NHSL1: variants seen among roughly 807,000 people sequenced by gnomAD.
NHSL1 encodes NHS-like protein 1.
In NHSL1, 48 loss-of-function variants were observed where a neutral mutation model predicts 95.0. The ratio of observed to expected loss-of-function variants is 0.51; its 90% confidence interval spans 0.40 to 0.64. The LOEUF (loss-of-function observed/expected upper bound fraction) is 0.64, where lower values mean the gene tolerates loss of function less well. NHSL1 is among the 30% of genes least tolerant of loss of function. The probability of loss-of-function intolerance (pLI) is 0.00; values close to 1 mark genes in which losing one functional copy is unlikely to be tolerated. For synonymous variants in NHSL1, 783 were observed against 833.9 expected (o/e 0.94, Z 1.05); for missense variants, 1,971 against 2,077.7 (o/e 0.95, Z 1.00).
chr6:138,459,743 A>G (rs1777869063), intron 3 of NHSL1, among the ~76,000 whole-genome samples: 1 of 152,192 alleles, frequency 6.6e-6, no homozygotes, highest in Non-Finnish European at 1.5e-5. Context: ...AAGTTCTGCT[A>G]TATTTTTTTA....
intron 1 of NHSL1, among the ~76,000 whole-genome samples, chr6:138,643,275 G>C (rs931618413): frequency 6.6e-6 from 1 of 152,002 alleles, no homozygotes; most frequent in African/African-American, 2.4e-5. Context: ...TAAAATTGAG[G>C]GAGATACAGA....
intron 1 of NHSL1, among the ~76,000 whole-genome samples, chr6:138,552,826 G>A (rs773061540): frequency 3.9e-5 from 6 of 152,190 alleles, no homozygotes; most frequent in Non-Finnish European, 7.3e-5. Context: ...CAGAAGCACA[G>A]TGACACCTCA....
At chr6:138,589,474 G>A (rs559655752) in intron 1 of NHSL1, among the ~76,000 whole-genome samples, 2 of 152,258 alleles carry the variant, frequency 1.3e-5, no homozygotes, top group South Asian at 4.1e-4. Flanking sequence ...CACAGGTGAG[G>A]AGTCACCTTC....
At chr6:138,617,466 A>G (rs954070762) in intron 1 of NHSL1, among the ~76,000 whole-genome samples, 1 of 152,144 alleles carries the variant, frequency 6.6e-6, no homozygotes. Context: ...TTTCACCCCC[A>G]CTAATTCAAA....
At position 138,446,255 on chromosome 6, in the gene NHSL1, T is replaced by C. The variant is rs530515174; in HGVS notation, c.532+746A>G. Among the ~76,000 whole-genome samples, 3 of 152,234 alleles carry C rather than the reference T, an allele frequency of 2.0e-5. No homozygotes were observed. In the East Asian group the frequency reaches 5.8e-4, roughly 29 times the overall value. ...TTTCACCACGTTGGCCAGGCTGGTC[T>C]CAAACTCCTGACCTCAGGTGATCTG... On this transcript the variant is annotated intron_variant, in intron 4 of 7. Coordinates refer to ENST00000343505, the MANE Select transcript of NHSL1 (RefSeq NM_001144060.2).
Position 138,646,268 on chromosome 6 carries a change from A to G in NHSL1, c.96+46208T>C, listed in dbSNP as rs144596439. Among the ~76,000 whole-genome samples the G allele has an allele frequency of 9.2e-5, 14 of 152,346 alleles. 1 individual carries two copies. Among genetic ancestry groups the G allele is most frequent in the African/African-American group, 3.4e-4 (14 of 41,590 alleles). ...ATACGGAATTACAAGAAAATTAAAT[A>G]CACCAATATTTTTAACCCCTAACTC... On this transcript the variant is annotated intron_variant, in intron 1 of 3. Coordinates refer to the NHSL1 transcript ENST00000491526.
rs1426004195 is a variant in NHSL1, at chr6:138,452,390, CAG to C, written c.340-5199_340-5198del. On this transcript the variant is annotated intron_variant, in intron 3 of 7. Coordinates refer to ENST00000343505, the MANE Select transcript of NHSL1 (RefSeq NM_001144060.2). Reference sequence around the variant, plus strand: ...CTCATACGAAATATGCTCTCTTTCTCAGAAGAGCCAACTGATCCAAAAGTGGG... The same window carrying C: ...CTCATACGAAATATGCTCTCTTTCTCAAGAGCCAACTGATCCAAAAGTGGG... 2.6e-5 allele frequency among the ~76,000 whole-genome samples: 4 copies of C among 152,332 alleles called. No homozygotes were observed. The East Asian group carries it at 5.8e-4, about 22-fold the overall frequency.
At chr6:138,501,389 T>C (rs1780669837), upstream of NHSL1, among the ~76,000 whole-genome samples, 1 of 151,966 alleles carries the variant, frequency 6.6e-6, no homozygotes, top group Non-Finnish European at 1.5e-5. Context: ...TTAGAAGGAG[T>C]TGAGTGCAAC....
At chr6:138,460,471 A>G (rs554692985) in intron 3 of NHSL1, among the ~76,000 whole-genome samples, 1 of 152,288 alleles carries the variant, frequency 6.6e-6, no homozygotes, top group South Asian at 2.1e-4. Context: ...GTATATATAC[A>G]GACATTTTTT....
chr6:138,658,261 A>G (rs1370862089), intron 1 of NHSL1, among the ~76,000 whole-genome samples: 1 of 152,206 alleles, frequency 6.6e-6, no homozygotes, highest in Admixed American at 6.5e-5. Context: ...ATTATCATAT[A>G]TAGTTACCAG....
chr6:138,623,976 C>T (rs190303192), intron 1 of NHSL1, among the ~76,000 whole-genome samples: 3 of 152,268 alleles, frequency 2.0e-5, no homozygotes, highest in African/African-American at 7.2e-5. Flanking sequence ...GCTTCTTTGC[C>T]TTCCACCATG....
intron 1 of NHSL1, among the ~76,000 whole-genome samples, chr6:138,686,772 G>A (rs933396073): frequency 2.6e-4 from 39 of 152,180 alleles, no homozygotes; most frequent in Non-Finnish European, 4.4e-5. Flanking sequence ...CTTTCTAGAC[G>A]ATTGCAGTGC....
chr6:138,690,010 T>G (rs73570715), intron 1 of NHSL1, among the ~76,000 whole-genome samples: 11,115 of 152,238 alleles, frequency 0.073, 1,330 homozygotes, highest in African/African-American at 0.25. Flanking sequence ...ATCAGAAGGT[T>G]TGGGCTTCAG....
At chr6:138,569,551 T>C (rs1346503961) in intron 1 of NHSL1, among the ~76,000 whole-genome samples, 1 of 152,226 alleles carries the variant, frequency 6.6e-6, no homozygotes, top group Admixed American at 6.5e-5. Flanking sequence ...CATTGACTGA[T>C]AATCCTTGCT....
intron 7 of NHSL1, among the ~76,000 whole-genome samples, chr6:138,427,303 G>C (rs1380554367): frequency 6.6e-6 from 1 of 152,202 alleles, no homozygotes; most frequent in African/African-American, 2.4e-5. Context: ...AGCCGGGCAT[G>C]GTGGCACACG....
At chr6:138,582,772 A>T (rs1784080756) in intron 1 of NHSL1, among the ~76,000 whole-genome samples, 1 of 151,736 alleles carries the variant, frequency 6.6e-6, no homozygotes, top group South Asian at 2.1e-4. Flanking sequence ...CAGGCCCTTG[A>T]CTCTTTATCT....
chr6:138,619,800 T>C (rs1784629166), intron 1 of NHSL1, among the ~76,000 whole-genome samples: 1 of 151,832 alleles, frequency 6.6e-6, no homozygotes, highest in Admixed American at 6.6e-5. Flanking sequence ...ATACAAAAAT[T>C]AGTCAGGCGT....
In NHSL1 at chr6:138,490,288, T is replaced by C. The variant is rs138178775; in HGVS notation, c.211+5931A>G. Among the ~76,000 whole-genome samples, 6 of 152,234 alleles carry C rather than the reference T, an allele frequency of 3.9e-5. No individual in the cohort carries two copies. In the East Asian group the frequency reaches 5.8e-4, roughly 15 times the overall value. Reference sequence around the variant, plus strand: ...GCCATCAGGGAGAGCTCTCAATCAATGTCCACAGGCCATTCCTACAAAGGC... The same window carrying C: ...GCCATCAGGGAGAGCTCTCAATCAACGTCCACAGGCCATTCCTACAAAGGC... On this transcript the variant is annotated intron_variant, in intron 2 of 7. Transcript: ENST00000343505.
chr6:138,542,813 G>C (rs1036701661), intron 1 of NHSL1, among the ~76,000 whole-genome samples: 4 of 151,956 alleles, frequency 2.6e-5, no homozygotes, highest in African/African-American at 9.7e-5. Flanking sequence ...GCCCAGGCTA[G>C]AGTGCAGGGG....
Sources: gnomAD v4.1 joint callset for allele counts (sites outside exome capture counted in the v4.1 genomes callset) on GRCh38, gnomAD v4.1.1 for gene constraint, MANE v1.5 for transcripts, NCBI Gene and HGNC (gene_info 2026-07-23, HGNC 2026-07-21) for gene names.